The following ZNF410 variants were observed in gnomAD, a reference collection of about 807,000 sequenced individuals.
ZNF410 encodes another partner for ARF 1.
A neutral mutation model predicts 54.8 loss-of-function variants in ZNF410; 18 were observed. The ratio of observed to expected loss-of-function variants is 0.33; its 90% confidence interval spans 0.23 to 0.49. ZNF410 has a LOEUF of 0.49. ZNF410 is among the 20% of genes least tolerant of loss of function. ZNF410 has a pLI of 0.99. For missense variants in ZNF410, 405 were observed against 569.6 expected (o/e 0.71, Z 2.94); for synonymous variants, 191 against 207.3 (o/e 0.92, Z 0.68).
chr14:73,921,800 T>C (rs2055758694), intron 9 of ZNF410, among the ~76,000 whole-genome samples: 1 of 152,216 alleles, frequency 6.6e-6, no homozygotes, highest in Non-Finnish European at 1.5e-5. Flanking sequence ...TTATTCCAAA[T>C]ATTCCTTTCT....
At chr14:73,896,625 G>T in intron 4 of ZNF410, 91 bp downstream of exon 4, 1 of 1,008,774 alleles carries the variant, frequency 9.9e-7, no homozygotes, top group East Asian at 2.5e-5. Flanking sequence ...AAAATAGAAA[G>T]AACCTTTATT....
rs569603238 is a variant in ZNF410, at chr14:73,930,171, TGACTGCAAAGATCTG to T, written c.1399-1329_1399-1315del. ...TCTCATAAAGTACCTTTGCTAAGTT[TGACTGCAAAGATCTG>T]GATCTTGGCCTCCATTAAAAACACA... On this transcript the variant is annotated intron_variant, in intron 11 of 11. Transcript: ENST00000555044. Among the ~76,000 whole-genome samples the T allele has an allele frequency of 1.1e-3, 166 of 152,348 alleles. 1 individual carries two copies. Among genetic ancestry groups the T allele is most frequent in the Middle Eastern group, 0.01 (3 of 292 alleles).
intron 8 of ZNF410, chr14:73,913,727 C>G (rs1171238570): frequency 6.6e-6 from 1 of 152,264 alleles, no homozygotes; most frequent in Admixed American, 6.5e-5. Context: ...GTATCAGTCT[C>G]TCCAGTCCTC....
chr14:73,920,171 A>G (rs1312106915), intron 8 of ZNF410: 1 of 152,124 alleles, frequency 6.6e-6, no homozygotes, highest in Non-Finnish European at 1.5e-5. Context: ...TTGCATTCCC[A>G]GCAAAATACA....
At chr14:73,905,968 C>CATACATATATATATATATATATAT (rs1555353430) in intron 7 of ZNF410, among the ~76,000 whole-genome samples, 7 of 78,930 alleles carry the variant, frequency 8.9e-5, no homozygotes, top group East Asian at 3.0e-4. Context: ...CACACACACA[C>CATACATATATATATATATATATAT]ATATATATAT....
At chr14:73,920,121 T>G (rs34127884) in intron 8 of ZNF410, 17,144 of 152,094 alleles carry the variant, frequency 0.11, 1,265 homozygotes, top group Admixed American at 0.19. Context: ...CTACAATTTT[T>G]CTAGATCTGG....
At chr14:73,913,049 A>ATT in intron 8 of ZNF410, 1 of 147,644 alleles carries the variant, frequency 6.8e-6, no homozygotes, top group Non-Finnish European at 1.5e-5. Context: ...CCTACACCCC[A>ATT]TTTTTTTTTT....
chr14:73,896,398 A>G lies in ZNF410; in HGVS notation c.252A>G (p.Pro84=), dbSNP rs1489100984. The G allele has an allele frequency of 6.2e-7, 1 of 1,614,122 alleles. No individual in the cohort carries two copies. Among genetic ancestry groups the G allele is most frequent in the African/African-American group, 1.3e-5 (1 of 74,948 alleles). The change falls in exon 4 of 12, where the codon CCA becomes CCG. Residue 84 remains proline (P), a synonymous_variant. Transcript: ENST00000555044. ...VLRSLRVNVG[P]DGEETRAQTV... is the part of the protein sequence containing the mutation. ...GAAGCCTTCGGGTGAATGTGGGTCC[A>G]GACGGAGAGGAGACGAGAGCTCAGA...
At chr14:73,897,569 G>T (rs1349591129) in intron 4 of ZNF410, among the ~76,000 whole-genome samples, 1 of 152,156 alleles carries the variant, frequency 6.6e-6, no homozygotes, top group Non-Finnish European at 1.5e-5. Flanking sequence ...GAAACCAGAG[G>T]AGGCAAGGTA....
chr14:73,930,971 T>C (rs57309686), intron 11 of ZNF410, among the ~76,000 whole-genome samples: 3 of 152,186 alleles, frequency 2.0e-5, no homozygotes, highest in Admixed American at 2.0e-4. Context: ...GAGCCTTGTG[T>C]ATAGAGTAGA....
intron 5 of ZNF410, among the ~76,000 whole-genome samples, chr14:73,902,738 A>C (rs1004218077): frequency 2.0e-5 from 3 of 152,192 alleles, no homozygotes; most frequent in African/African-American, 7.2e-5. Flanking sequence ...TTGATGTTCA[A>C]GTATTTCTTG....
At chr14:73,913,105 C>T (rs1189207718) in intron 8 of ZNF410, 1 of 151,914 alleles carries the variant, frequency 6.6e-6, no homozygotes, top group African/African-American at 2.4e-5. Flanking sequence ...CTCTATTGCC[C>T]AGGCTAGAGT....
chr14:73,900,155 T>C (rs1440063389), intron 5 of ZNF410, among the ~76,000 whole-genome samples: 1 of 149,934 alleles, frequency 6.7e-6, no homozygotes, highest in East Asian at 2.0e-4. Flanking sequence ...ATCGCACCAC[T>C]GCACTCCAGC....
rs908465918 is a variant in ZNF410 at position 73,932,513 on chromosome 14, A to T, written c.*972A>T. ...TGGCAATAAAAACAGATACTTCTGA[A>T]TTTTTCCACAAAGATAGTTTTTTTA... On this transcript the variant is annotated 3_prime_UTR_variant, in exon 12 of 12. Transcript: ENST00000555044. The T allele has an allele frequency of 4.5e-6, 2 of 445,248 alleles. No individual in the cohort carries two copies. The highest frequency in any genetic ancestry group is 8.9e-6 in the Non-Finnish European group (2 of 224,006). The allele number at this position is 445,248 out of a possible 1,614,324, so 27.6% of individuals were successfully genotyped here.
chr14:73,928,741 C>T (rs1456297913), intron 11 of ZNF410, among the ~76,000 whole-genome samples: 4 of 151,952 alleles, frequency 2.6e-5, no homozygotes, highest in South Asian at 4.1e-4. Flanking sequence ...GCCAGAAGTT[C>T]GAGACAAGCC....
intron 8 of ZNF410, among the ~76,000 whole-genome samples, chr14:73,911,281 G>T (rs1175718692): frequency 6.6e-6 from 1 of 152,134 alleles, no homozygotes; most frequent in Non-Finnish European, 1.5e-5. Flanking sequence ...GGAGGAGAGG[G>T]ATTCTAGAAT....
chr14:73,923,340 A>G, intron 10 of ZNF410, 55 bp from the exon 11 acceptor site: 1 of 1,583,634 alleles, frequency 6.3e-7, no homozygotes, highest in Non-Finnish European at 8.6e-7. Flanking sequence ...AATGATCCAG[A>G]TAGGTGTATC....
At chr14:73,922,851 G>A (rs1180887649) in intron 10 of ZNF410, 1 of 152,210 alleles carries the variant, frequency 6.6e-6, no homozygotes, top group Admixed American at 6.5e-5. Context: ...TAGTATATAA[G>A]CCAACATTAA....
At chr14:73,923,183 TG>T (rs1251775983) in intron 10 of ZNF410, among the ~76,000 whole-genome samples, 1 of 152,238 alleles carries the variant, frequency 6.6e-6, no homozygotes, top group South Asian at 2.1e-4. Context: ...TTCTAAATCC[TG>T]TATTAAGATT....
Sources: gnomAD v4.1 joint callset for allele counts (sites outside exome capture counted in the v4.1 genomes callset) on GRCh38, gnomAD v4.1.1 for gene constraint, MANE v1.5 for transcripts, NCBI Gene and HGNC (gene_info 2026-07-23, HGNC 2026-07-21) for gene names.